The following TMEM164 variants were observed in gnomAD, a reference collection of about 807,000 sequenced individuals.
TMEM164 encodes the protein transmembrane protein 164, also known as RP13-360B22.2.
A neutral mutation model predicts 18.8 loss-of-function variants in TMEM164; 4 were observed. The observed-to-expected ratio is 0.21, with a 90% CI of 0.10 to 0.49. The LOEUF is 0.49. TMEM164 is among the 20% of genes least tolerant of loss of function. TMEM164 has a pLI of 0.98. For synonymous variants in TMEM164, 86 were observed against 101.7 expected, an observed-to-expected ratio of 0.85 and a Z score of 0.93; for missense variants, 108 against 239.9, an observed-to-expected ratio of 0.45 and a Z score of 3.63.
chrX:110,166,707 A>G (rs961123314), intron 5 of TMEM164, among the ~76,000 whole-genome samples: 17 of 112,277 alleles, frequency 1.5e-4, no homozygotes, highest in Non-Finnish European at 3.0e-4. Context: ...CCCTACCTTT[A>G]CAGCTGACAT....
intron 2 of TMEM164, among the ~76,000 whole-genome samples, chrX:110,048,516 C>T (rs1162331025): frequency 3.6e-5 from 4 of 110,577 alleles, no homozygotes; most frequent in Admixed American, 1.9e-4. Context: ...CAGGGGTTCC[C>T]GCCCTCTTTT....
chrX:110,148,521 C>CT (rs1267631830), intron 5 of TMEM164, among the ~76,000 whole-genome samples: 1 of 107,482 alleles, frequency 9.3e-6, no homozygotes, highest in Admixed American at 1.0e-4. Context: ...CTTTTTTTTT[C>CT]TTTTTTTAGA....
In TMEM164 at chrX:110,003,515, C is replaced by T. The variant is rs1245882381; in HGVS notation, c.-260C>T. 5 of 296,283 alleles carry T rather than the reference C, an allele frequency of 1.7e-5. No homozygotes were observed. Among genetic ancestry groups the T allele is most frequent in the African/African-American group, 1.4e-4 (5 of 35,421 alleles). The allele number at this position is 296,283 out of a possible 1,213,427, so 24.4% of individuals were successfully genotyped here. A position where few individuals can be genotyped will look rare whatever the true frequency, so the allele number is the denominator to read the frequency against. ...CTTCCTTTTAGATTGGCCAACGGCT[C>T]CTTTCAACCCTGCCTCGTTGGTGGC... On this transcript the variant is annotated 5_prime_UTR_variant, in exon 2 of 7. Coordinates refer to ENST00000372068, the MANE Select transcript of TMEM164 (RefSeq NM_032227.4).
Position 110,176,518 on chromosome X carries a change from A to G in TMEM164, c.*3067A>G, listed in dbSNP as rs1013483741. The G allele has an allele frequency of 6.8e-6, 4 of 587,414 alleles. No individual in the cohort carries two copies. In the African/African-American group the frequency reaches 1.0e-4, roughly 15 times the overall value. The allele number at this position is 587,414 out of a possible 1,213,427, so 48.4% of individuals were successfully genotyped here. A position where few individuals can be genotyped will look rare whatever the true frequency, so the allele number is the denominator to read the frequency against. On this transcript the variant is annotated 3_prime_UTR_variant, in exon 7 of 7. Transcript: ENST00000372068. ...TGCTTGCAGGGTCGCCGGGCTAACC[A>G]GGGTGATCGGCGAACTTTACCGTAC...
chrX:110,017,288 G>T (rs1450756553), intron 2 of TMEM164, among the ~76,000 whole-genome samples: 2 of 111,837 alleles, frequency 1.8e-5, no homozygotes, highest in Non-Finnish European at 3.8e-5. Flanking sequence ...CAGCATGAAA[G>T]GAACTAGACT....
At chrX:110,182,548 C>T (rs1175939591), downstream of TMEM164, 1 of 111,848 alleles carries the variant, frequency 8.9e-6, no homozygotes, top group African/African-American at 3.3e-5. Flanking sequence ...CAGCCTGCTT[C>T]CCTGGGGAAC....
chrX:110,136,853 A>G (rs1347611609), intron 4 of TMEM164, among the ~76,000 whole-genome samples: 1 of 111,150 alleles, frequency 9.0e-6, no homozygotes, highest in African/African-American at 3.3e-5. Context: ...CCTTCAGTCT[A>G]TACAGAATCT....
chrX:110,053,912 A>T (rs776559347), intron 2 of TMEM164, among the ~76,000 whole-genome samples: 11 of 111,992 alleles, frequency 9.8e-5, no homozygotes, highest in East Asian at 8.4e-4. Context: ...TGGGCTCTGG[A>T]CAGGGAGCAG....
rs1602453932 is a variant in TMEM164 at position 110,003,547 on chromosome X, A to G, written c.-228A>G. On this transcript the variant is annotated 5_prime_UTR_variant, in exon 2 of 7. Transcript: ENST00000372068. ...ACCCTGCCTCGTTGGTGGCCACTGG[A>G]GAAGCGCGGGGGGCTCCCCCAGACA... The G allele has an allele frequency of 2.9e-6, 1 of 342,291 alleles. No homozygotes were observed. The highest frequency in any genetic ancestry group is 4.9e-6 in the Non-Finnish European group (1 of 202,431). The allele number at this position is 342,291 out of a possible 1,213,427, so 28.2% of individuals were successfully genotyped here.
chrX:110,030,110 T>G (rs1377171704), intron 2 of TMEM164, among the ~76,000 whole-genome samples: 11 of 8,515 alleles, frequency 1.3e-3, no homozygotes, highest in African/African-American at 4.1e-3. Context: ...CTCTGTCTGT[T>G]TTTTTTTTTT....
At chrX:110,057,637 C>T (rs1935908238) in intron 2 of TMEM164, among the ~76,000 whole-genome samples, 2 of 107,024 alleles carry the variant, frequency 1.9e-5, no homozygotes, top group African/African-American at 3.4e-5. Context: ...CTGTTTTCTC[C>T]ACACCCTTCC....
chrX:110,156,580 G>A (rs1325762766), intron 5 of TMEM164, among the ~76,000 whole-genome samples: 1 of 111,258 alleles, frequency 9.0e-6, no homozygotes, highest in Non-Finnish European at 1.9e-5. Context: ...GTTTTAGAGA[G>A]TGTCTTAGTC....
intron 2 of TMEM164, among the ~76,000 whole-genome samples, chrX:110,022,952 C>A (rs1348011929): frequency 1.8e-5 from 2 of 112,338 alleles, no homozygotes; most frequent in Non-Finnish European, 3.8e-5. Context: ...AAGGTCACAC[C>A]ACTTGGGAAT....
At chrX:110,108,068 CTGTGTGTGTGTG>C (rs56714507) in intron 3 of TMEM164, among the ~76,000 whole-genome samples, 533 of 46,366 alleles carry the variant, frequency 0.011, 10 homozygotes, top group African/African-American at 0.037. Flanking sequence ...AGGAGGTATG[CTGTGTGTGTGTG>C]TGTGTGTGTG....
chrX:110,126,521 C>G, intron 4 of TMEM164, among the ~76,000 whole-genome samples: 1 of 112,036 alleles, frequency 8.9e-6, no homozygotes, highest in Non-Finnish European at 1.9e-5. Flanking sequence ...CGTCTATTTT[C>G]TCGAGGCCCA....
intron 5 of TMEM164, among the ~76,000 whole-genome samples, chrX:110,154,032 C>T (rs1405745732): frequency 9.1e-6 from 1 of 110,475 alleles, no homozygotes; most frequent in Admixed American, 9.6e-5. Context: ...TGGTCAAATC[C>T]ACAGATGCGG....
At chrX:110,171,139 CAT>C (rs760971776) in intron 5 of TMEM164, among the ~76,000 whole-genome samples, 5 of 112,049 alleles carry the variant, frequency 4.5e-5, no homozygotes, top group African/African-American at 1.3e-4. Context: ...GAGACAAACT[CAT>C]GTGAAAATTT....
chrX:110,079,354 A>G (rs189194961), intron 3 of TMEM164, among the ~76,000 whole-genome samples: 1 of 112,037 alleles, frequency 8.9e-6, no homozygotes, highest in Non-Finnish European at 1.9e-5. Flanking sequence ...AAAATCAACA[A>G]GCAAAATGTG....
At chrX:110,159,197 A>T (rs2067058237) in intron 5 of TMEM164, among the ~76,000 whole-genome samples, 1 of 110,392 alleles carries the variant, frequency 9.1e-6, no homozygotes, top group African/African-American at 3.3e-5. Context: ...GGAGAGGGGG[A>T]TGAAGAGTTC....
Sources: gnomAD v4.1 joint callset for allele counts (sites outside exome capture counted in the v4.1 genomes callset) on GRCh38, gnomAD v4.1.1 for gene constraint, MANE v1.5 for transcripts, NCBI Gene and HGNC (gene_info 2026-07-23, HGNC 2026-07-21) for gene names.